Variants in MTUS2 observed in about 807,000 individuals in gnomAD.
The protein encoded by MTUS2 is microtubule associated scaffold protein 2.
MTUS2 carries 40 observed loss-of-function variants against 114.1 expected under a neutral mutation model. The ratio of observed to expected loss-of-function variants is 0.35; its 90% CI spans 0.27 to 0.46. MTUS2 has a LOEUF of 0.46. MTUS2 is among the 20% of genes least tolerant of loss of function. The pLI is 1.00. For synonymous variants in MTUS2, 688 were observed against 672.0 expected, an observed-to-expected ratio of 1.02 and a Z score of -0.37; for missense variants, 1,679 against 1,705.4, an observed-to-expected ratio of 0.98 and a Z score of 0.27.
intron 4 of MTUS2, among the ~76,000 whole-genome samples, chr13:29,098,730 A>G (rs977357736): frequency 9.9e-5 from 15 of 152,234 alleles, no homozygotes; most frequent in Non-Finnish European, 1.9e-4. Context: ...CTTGTCTTAT[A>G]TAATGATTTA....
intron 2 of MTUS2, among the ~76,000 whole-genome samples, chr13:28,950,551 A>G (rs1882757543): frequency 6.6e-6 from 1 of 152,194 alleles, no homozygotes; most frequent in Non-Finnish European, 1.5e-5. Flanking sequence ...GTTTTCTTCT[A>G]AGACTTTAGC....
At position 29,442,893 on chromosome 13, in the gene MTUS2, A is replaced by G. The variant is rs182127853; in HGVS notation, c.3184+2844A>G. On this transcript the variant is annotated intron_variant, in intron 9 of 15. Transcript: ENST00000612955. ...TGCAGTGTTACCCCCTGTAATTTAT[A>G]GCTCCTGCTGCCTTTCCTCCTCTTT... 5.8e-3 allele frequency among the ~76,000 whole-genome samples: 882 copies of G among 151,398 alleles called. 5 individuals are homozygous for G. The highest frequency in any genetic ancestry group is 0.017 in the Middle Eastern group (5 of 294).
At chr13:29,214,002 G>A (rs1404168992) in intron 5 of MTUS2, among the ~76,000 whole-genome samples, 2 of 150,358 alleles carry the variant, frequency 1.3e-5, no homozygotes, top group South Asian at 2.1e-4. Context: ...GTTGTTTTAG[G>A]GTTCATAATA....
At chr13:29,012,187 G>A (rs958494574) in intron 2 of MTUS2, among the ~76,000 whole-genome samples, 2 of 152,202 alleles carry the variant, frequency 1.3e-5, no homozygotes, top group African/African-American at 4.8e-5. Flanking sequence ...TGCAGCTCAA[G>A]CGTGCCTCCT....
At chr13:29,168,052 C>T (rs2139106082) in intron 5 of MTUS2, among the ~76,000 whole-genome samples, 1 of 152,220 alleles carries the variant, frequency 6.6e-6, no homozygotes, top group Non-Finnish European at 1.5e-5. Flanking sequence ...TTTCATGTAT[C>T]TTTTTTGACA....
intron 4 of MTUS2, among the ~76,000 whole-genome samples, chr13:29,096,115 C>G (rs2094557): frequency 0.27 from 40,397 of 152,042 alleles, 5,767 homozygotes; most frequent in East Asian, 0.6. Flanking sequence ...CTCTTCCTCT[C>G]TGGGGCTTGT....
At chr13:29,441,954 C>T (rs559609172) in intron 9 of MTUS2, among the ~76,000 whole-genome samples, 35 of 152,314 alleles carry the variant, frequency 2.3e-4, no homozygotes, top group South Asian at 4.1e-4. Context: ...CTCCACTCAC[C>T]GGCTTTAGGG....
chr13:29,471,260 T>A (rs147222090), intron 9 of MTUS2, among the ~76,000 whole-genome samples: 1,631 of 152,142 alleles, frequency 0.011, 16 homozygotes, highest in African/African-American at 0.037. Flanking sequence ...GGAGAATCGC[T>A]TGAACCCAGA....
rs1223642254 is a variant in MTUS2, at chr13:29,095,025, T to A, written c.2447-5748T>A. Reference sequence around the variant, plus strand: ...TTCATTCTGTTATGACCACAGAACATACTTTATATCATTTCAATCCTTTTT... The same window carrying A: ...TTCATTCTGTTATGACCACAGAACAAACTTTATATCATTTCAATCCTTTTT... On this transcript the variant is annotated intron_variant, in intron 4 of 15. Coordinates refer to ENST00000612955, the MANE Select transcript of MTUS2 (RefSeq NM_001033602.4). Among the ~76,000 whole-genome samples, 7 of 152,122 alleles carry A rather than the reference T, an allele frequency of 4.6e-5. No individual in the cohort carries two copies. In the East Asian group the frequency reaches 1.3e-3, roughly 29 times the overall value.
intron 7 of MTUS2, 44 bp from the exon 8 acceptor site, chr13:29,359,218 G>A: frequency 1.3e-6 from 2 of 1,528,566 alleles, no homozygotes; most frequent in East Asian, 2.4e-5. Context: ...TGTGTACTGA[G>A]TGTTTTTTCA....
intron 2 of MTUS2, among the ~76,000 whole-genome samples, chr13:28,852,092 C>T (rs1876315411): frequency 1.3e-5 from 2 of 152,144 alleles, no homozygotes; most frequent in African/African-American, 4.8e-5. Context: ...GTTGCACTTG[C>T]TGTGCCCTCT....
chr13:28,990,933 G>A (rs924258833), intron 2 of MTUS2, among the ~76,000 whole-genome samples: 3 of 151,626 alleles, frequency 2.0e-5, no homozygotes, highest in African/African-American at 4.9e-5. Context: ...CTCCGGATGC[G>A]CCACCTTTAA....
At chr13:29,227,955 A>C (rs553414860) in intron 5 of MTUS2, among the ~76,000 whole-genome samples, 3 of 152,218 alleles carry the variant, frequency 2.0e-5, no homozygotes, top group African/African-American at 4.8e-5. Flanking sequence ...GTTTTATATT[A>C]ATAGAATTAT....
chr13:29,360,123 G>T (rs1870099581), intron 8 of MTUS2, among the ~76,000 whole-genome samples: 3 of 152,326 alleles, frequency 2.0e-5, no homozygotes, highest in Non-Finnish European at 4.4e-5. Flanking sequence ...GAACAGAGGT[G>T]GGAGCCTAGT....
chr13:29,098,169 T>C (rs1338926286), intron 4 of MTUS2, among the ~76,000 whole-genome samples: 1 of 152,186 alleles, frequency 6.6e-6, no homozygotes, highest in African/African-American at 2.4e-5. Context: ...TGACTTATAC[T>C]GTGGGCTAAA....
At chr13:29,009,653 CTG>C (rs1347216918) in intron 2 of MTUS2, among the ~76,000 whole-genome samples, 1 of 152,082 alleles carries the variant, frequency 6.6e-6, no homozygotes, top group Non-Finnish European at 1.5e-5. Context: ...CATGGTTTCT[CTG>C]TGTATATGTC....
At chr13:29,289,976 T>G (rs893649801) in intron 6 of MTUS2, among the ~76,000 whole-genome samples, 1 of 152,156 alleles carries the variant, frequency 6.6e-6, no homozygotes, top group African/African-American at 2.4e-5. Flanking sequence ...ATGATCAAAT[T>G]TCTTTTTCCC....
chr13:28,904,510 A>G (rs1171288469), intron 2 of MTUS2, among the ~76,000 whole-genome samples: 1 of 152,208 alleles, frequency 6.6e-6, no homozygotes, highest in African/African-American at 2.4e-5. Context: ...TTAAATAGGG[A>G]ATCCTTTCCC....
Position 29,195,414 on chromosome 13 carries a change from A to G in MTUS2, c.2645-86290A>G, listed in dbSNP as rs534827923. Among the ~76,000 whole-genome samples the G allele has an allele frequency of 1.2e-3, 177 of 152,000 alleles. 1 individual carries two copies. The highest frequency in any genetic ancestry group is 2.7e-3 in the South Asian group (13 of 4,808). Reference sequence around the variant, plus strand: ...ATTTTCCTCCATTTTTTCTGTGCACATGAATGTATTAGCTATTTTCGTAGT... The same window carrying G: ...ATTTTCCTCCATTTTTTCTGTGCACGTGAATGTATTAGCTATTTTCGTAGT... On this transcript the variant is annotated intron_variant, in intron 5 of 15. Transcript: ENST00000612955.
Sources: allele counts gnomAD v4.1 joint callset (sites outside exome capture counted in the v4.1 genomes callset), GRCh38; gene constraint gnomAD v4.1.1; transcripts MANE v1.5; gene names NCBI Gene and HGNC (gene_info 2026-07-23, HGNC 2026-07-21).